The following WFDC1 variants were observed in gnomAD, a reference collection of about 807,000 sequenced individuals.
WFDC1 encodes the protein WAP four-disulfide core domain 1, also known as WAP four-disulfide core domain protein 1.
A neutral mutation model predicts 32.9 loss-of-function variants in WFDC1; 39 were observed. That is an observed-to-expected ratio of 1.19 (90% confidence interval 0.92 to 1.55). The LOEUF (loss-of-function observed/expected upper bound fraction) is 1.55, where lower values mean the gene tolerates loss of function less well. Among genes scored for constraint, WFDC1 ranks in the 40% most tolerant of loss-of-function variants. The pLI, the probability that WFDC1 is intolerant of heterozygous loss-of-function variation, is 0.00. For missense variants in WFDC1, 386 were observed against 309.5 expected (o/e 1.25, Z -1.85); for synonymous variants, 184 against 137.4 (o/e 1.34, Z -2.37).
At chr16:84,298,317 A>C (rs904129421) in intron 1 of WFDC1, among the ~76,000 whole-genome samples, 114 of 151,746 alleles carry the variant, frequency 7.5e-4, no homozygotes, top group African/African-American at 2.7e-3. Flanking sequence ...CTGGTCTCAA[A>C]CTCCTGAGCT....
At position 84,311,111 on chromosome 16, in the gene WFDC1, C is replaced by T. The variant is rs1255812777; in HGVS notation, c.145-1850C>T. On this transcript the variant is annotated intron_variant, in intron 1 of 6. Coordinates refer to ENST00000219454, the MANE Select transcript of WFDC1 (RefSeq NM_021197.4). ...TTTTCATAGAAGCAGAAGAGTGTTA[C>T]TGGGCCTGGATGGAGTCTGGTGTCA... 3.9e-5 allele frequency among the ~76,000 whole-genome samples: 6 copies of T among 152,142 alleles called. No individual in the cohort carries two copies. In the East Asian group the frequency reaches 9.6e-4, roughly 24 times the overall value.
At chr16:84,319,123 G>C in intron 3 of WFDC1, 1 of 421,352 alleles carries the variant, frequency 2.4e-6, no homozygotes, top group Non-Finnish European at 4.3e-6. Context: ...GTAGGGCTGA[G>C]TGTGTGTTTC....
chr16:84,309,856 G>T (rs428610), intron 1 of WFDC1, among the ~76,000 whole-genome samples: 58,365 of 117,604 alleles, frequency 0.5, 13,673 homozygotes, highest in African/African-American at 0.69. Flanking sequence ...TGTGTGTGTG[G>T]GGGGGGCGTG....
intron 1 of WFDC1, among the ~76,000 whole-genome samples, chr16:84,298,834 G>C (rs983489043): frequency 6.6e-6 from 1 of 152,184 alleles, no homozygotes; most frequent in South Asian, 2.1e-4. Flanking sequence ...TCCCGTGGGA[G>C]GCCCTTAGGA....
At chr16:84,302,845 C>T (rs74035066) in intron 1 of WFDC1, among the ~76,000 whole-genome samples, 18 of 152,048 alleles carry the variant, frequency 1.2e-4, no homozygotes, top group East Asian at 9.7e-4. Flanking sequence ...CGCCCGAAAC[C>T]CAGTGGGCCT....
chr16:84,305,877 C>T (rs1260020034), intron 1 of WFDC1, among the ~76,000 whole-genome samples: 1 of 152,048 alleles, frequency 6.6e-6, no homozygotes, highest in Non-Finnish European at 1.5e-5. Flanking sequence ...GTGGCGGGCA[C>T]CTGTAGTCCC....
chr16:84,297,120 G>A (rs1906642678), intron 1 of WFDC1: 1 of 152,244 alleles, frequency 6.6e-6, no homozygotes. Context: ...ACATAGGAGG[G>A]TCAGGGTTGA....
rs781377165 is a variant in WFDC1, at chr16:84,326,867, G to T, written c.605-15G>T. 6.2e-6 allele frequency: 10 copies of T among 1,614,064 alleles called. No individual in the cohort carries two copies. In the South Asian group the frequency reaches 1.1e-4, roughly 18 times the overall value. On this transcript the variant is annotated splice_polypyrimidine_tract_variant and intron_variant, in intron 5 of 6. Transcript: ENST00000219454. ...TAGATACATCTACCCCAACAGAGCTGTGTTCTTTTCACAGAAGGTGACTCA... is the reference window on the plus strand; with the variant it reads ...TAGATACATCTACCCCAACAGAGCTTTGTTCTTTTCACAGAAGGTGACTCA...
At chr16:84,328,168 T>A (rs1479553259) in intron 6 of WFDC1, 1 of 152,578 alleles carries the variant, frequency 6.6e-6, no homozygotes, top group Non-Finnish European at 1.5e-5. Flanking sequence ...GTGAAAGTAC[T>A]GAGGCAGGAG....
rs185174158 is a variant in WFDC1, at chr16:84,319,941, G to A, written c.562+370G>A. ...CTGAAATCATAAGTGCAGAGCAGTC[G>A]GAGCAGCCCTAAGGAATAGTAGGTG... On this transcript the variant is annotated intron_variant, in intron 4 of 6. Coordinates refer to ENST00000219454, the MANE Select transcript of WFDC1 (RefSeq NM_021197.4). Among the ~76,000 whole-genome samples the A allele has an allele frequency of 5.2e-3, 789 of 152,242 alleles. 5 individuals carry two copies. The highest frequency in any genetic ancestry group is 7.0e-3 in the Non-Finnish European group (475 of 68,020).
intron 1 of WFDC1, among the ~76,000 whole-genome samples, chr16:84,300,012 C>T (rs1467466330): frequency 6.6e-6 from 1 of 152,230 alleles, no homozygotes; most frequent in African/African-American, 2.4e-5. Context: ...ATCTCCTTTC[C>T]CCCATTATTT....
At chr16:84,316,095 G>T (rs994592147) in intron 2 of WFDC1, 1 of 152,244 alleles carries the variant, frequency 6.6e-6, no homozygotes, top group Non-Finnish European at 1.5e-5. Flanking sequence ...TTTCCCACCT[G>T]AAAATGTTTC....
At chr16:84,304,188 G>C (rs1240304409) in intron 1 of WFDC1, among the ~76,000 whole-genome samples, 1 of 152,096 alleles carries the variant, frequency 6.6e-6, no homozygotes, top group Non-Finnish European at 1.5e-5. Context: ...TGCTTCCTAG[G>C]GATATCAGTG....
intron 1 of WFDC1, among the ~76,000 whole-genome samples, chr16:84,304,517 C>A (rs374250245): frequency 1.3e-5 from 2 of 152,122 alleles, no homozygotes; most frequent in African/African-American, 4.8e-5. Context: ...TGTGAGCCAC[C>A]GCGCCCGGCC....
At chr16:84,297,642 A>AAAAAG (rs1567648459) in intron 1 of WFDC1, among the ~76,000 whole-genome samples, 2 of 119,774 alleles carry the variant, frequency 1.7e-5, no homozygotes, top group Non-Finnish European at 1.9e-5. Flanking sequence ...AAAAAAAAAA[A>AAAAAG]AAAAACTGTG....
intron 1 of WFDC1, among the ~76,000 whole-genome samples, chr16:84,306,477 C>T (rs921944157): frequency 6.6e-6 from 1 of 152,164 alleles, no homozygotes; most frequent in Non-Finnish European, 1.5e-5. Flanking sequence ...TGAGGATGGC[C>T]GAGTCCAGCT....
At chr16:84,298,371 A>G (rs1906734104) in intron 1 of WFDC1, among the ~76,000 whole-genome samples, 1 of 152,190 alleles carries the variant, frequency 6.6e-6, no homozygotes, top group Non-Finnish European at 1.5e-5. Flanking sequence ...CTGGGATTAT[A>G]GGTGTGAGCC....
intron 2 of WFDC1, chr16:84,316,720 G>C (rs1285266363): frequency 7.2e-5 from 11 of 152,268 alleles, no homozygotes; most frequent in Admixed American, 5.9e-4. Context: ...GCTCATGCCT[G>C]TGATACCAGC....
chr16:84,313,562 C>T (rs1277439609), intron 2 of WFDC1, among the ~76,000 whole-genome samples: 2 of 152,170 alleles, frequency 1.3e-5, no homozygotes, highest in Non-Finnish European at 2.9e-5. Flanking sequence ...TTTAAAATAC[C>T]GGACCATGTT....
Sources: gnomAD v4.1 joint callset for allele counts (sites outside exome capture counted in the v4.1 genomes callset) on GRCh38, gnomAD v4.1.1 for gene constraint, MANE v1.5 for transcripts, NCBI Gene and HGNC (gene_info 2026-07-23, HGNC 2026-07-21) for gene names.